The following CCDC187 variants were observed in gnomAD, a reference collection of about 807,000 sequenced individuals.
CCDC187 encodes the protein coiled-coil domain containing 187.
In CCDC187, 32 loss-of-function variants were observed where a neutral mutation model predicts 38.0. That is an observed-to-expected ratio of 0.84 (90% CI 0.64 to 1.13). The LOEUF (loss-of-function observed/expected upper bound fraction) is 1.13. Ranked by LOEUF, CCDC187 falls within the 50% of genes most tolerant of loss-of-function variation. CCDC187 has a pLI of 0.00. For synonymous variants in CCDC187, 333 were observed against 347.9 expected, an observed-to-expected ratio of 0.96 and a Z score of 0.48; for missense variants, 707 against 786.8, an observed-to-expected ratio of 0.90 and a Z score of 1.21.
chr9:136,287,227 G>A (rs1831203620), intron 7 of CCDC187, among the ~76,000 whole-genome samples: 1 of 146,512 alleles, frequency 6.8e-6, no homozygotes, highest in Non-Finnish European at 1.5e-5. Flanking sequence ...ACCCTTGGTA[G>A]AATAAGTCAG....
Position 136,297,759 on chromosome 9 carries a change from AC to A in CCDC187, c.786del (p.Lys262AsnfsTer33). ...TTGGCCGCTCTTCTAGGGGAGGGCA[AC>A]TTGGGGGTCTTCTCTCTTTTGCAAG... The part of the protein sequence containing the change: ...SSSCKREKTP[K>X]LPSPRRAAKD... On this transcript the variant is annotated frameshift_variant, in exon 4 of 26. Transcript: ENST00000638797. LOFTEE classifies it high-confidence loss of function. The A allele has an allele frequency of 2.5e-6, 1 of 398,192 alleles. No homozygotes were observed. The highest frequency in any genetic ancestry group is 3.6e-5 in the East Asian group (1 of 28,038). 24.7% of individuals were successfully genotyped at this position (398,192 alleles called of 1,614,324 possible). A position where few individuals can be genotyped will look rare whatever the true frequency, so the allele number is the denominator to read the frequency against.
Position 136,299,167 on chromosome 9 carries a change from C to T in CCDC187, c.724+1053G>A, listed in dbSNP as rs1038496878. On this transcript the variant is annotated intron_variant, in intron 3 of 25. Coordinates refer to ENST00000638797, the MANE Select transcript of CCDC187 (RefSeq NM_001378188.1). ...GCTGACCACAGGGCTCAGGCGGAAC[C>T]GGATCTGGATGGACAGGAGTTCCCC... is the stretch of plus-strand genomic sequence containing the variant. Among the ~76,000 whole-genome samples the T allele has an allele frequency of 7.2e-4, 110 of 152,282 alleles. 1 individual carries two copies. Among genetic ancestry groups the T allele is most frequent in the East Asian group, 1.7e-3 (9 of 5,174 alleles).
rs1830643875 is a variant in CCDC187 at position 136,258,591 on chromosome 9, G to A, written c.4366+341C>T. ...GTTCAGAAAGAGAAAAATGTAATCGGTGCAGAAACCTCCGTCAGCTGAAGA... is the reference window on the plus strand; with the variant it reads ...GTTCAGAAAGAGAAAAATGTAATCGATGCAGAAACCTCCGTCAGCTGAAGA... On this transcript the variant is annotated intron_variant, in intron 22 of 25. Transcript: ENST00000638797. This position sits in a 1 kb window ranked among gnomAD's most constrained non-coding sequence, Gnocchi z 4.3. The A allele has an allele frequency of 1.5e-6, 1 of 679,566 alleles. No individual in the cohort carries two copies. Among genetic ancestry groups the A allele is most frequent in the South Asian group, 6.7e-5 (1 of 15,036 alleles). The allele number at this position is 679,566 out of a possible 1,614,324, so 42.1% of individuals were successfully genotyped here.
At chr9:136,301,370 G>A (rs1219148290) in intron 2 of CCDC187, among the ~76,000 whole-genome samples, 1 of 151,784 alleles carries the variant, frequency 6.6e-6, no homozygotes, top group African/African-American at 2.4e-5. Flanking sequence ...GGTCCCCAGA[G>A]TTGTCAGAGC....
At chr9:136,256,165 C>G in intron 24 of CCDC187, 46 bp downstream of exon 24, 1 of 951,590 alleles carries the variant, frequency 1.1e-6, no homozygotes, top group Non-Finnish European at 1.3e-6. Flanking sequence ...GAACCCGTCT[C>G]CGTGCCTCAC....
At position 136,250,967 on chromosome 9, in the gene CCDC187, A is replaced by C. The variant is rs1554759286; in HGVS notation, c.*2627T>G. On this transcript the variant is annotated 3_prime_UTR_variant, in exon 26 of 26. Coordinates refer to ENST00000638797, the MANE Select transcript of CCDC187 (RefSeq NM_001378188.1). ...GAGCTATGGGGTAGAGGGCCTTGGC[A>C]GCTCCGTGTGTCCTGTGACCTGGCA... is the stretch of plus-strand genomic sequence containing the variant. 8.8e-6 allele frequency: 4 copies of C among 455,680 alleles called. No homozygotes were observed. The highest frequency in any genetic ancestry group is 7.0e-5 in the East Asian group (1 of 14,384). The allele number at this position is 455,680 out of a possible 1,614,324, so 28.2% of individuals were successfully genotyped here.
rs1554759621 is a variant in CCDC187, at chr9:136,252,330, G to C, written c.*1264C>G. ...CGGCCGCCCACCCAGTCCACCCTGG[G>C]AAGGTCCAGGCGACCATCCCGCACA... On this transcript the variant is annotated 3_prime_UTR_variant, in exon 26 of 26. Transcript: ENST00000638797. 1.8e-5 allele frequency: 2 copies of C among 113,460 alleles called. No individual in the cohort carries two copies. Among genetic ancestry groups the C allele is most frequent in the African/African-American group, 6.2e-5 (2 of 32,492 alleles). 7.0% of individuals were successfully genotyped at this position (113,460 alleles called of 1,614,324 possible).
chr9:136,292,187 C>G lies in CCDC187; in HGVS notation c.941G>C (p.Arg314Thr), dbSNP rs2131312059. Residue 314 changes from arginine to threonine, a missense_variant, in exon 5 of 26, where the codon AGA becomes ACA. Physicochemically the swap from Arg to Thr is moderately conservative, Grantham distance 71. Transcript: ENST00000638797. ...TAAGTCCACGGTGAGAGCCGGGTCT[C>G]TCGAGGGATCCTTGCTATGGTGCCT... ...LRRHHSKDPSRDPALTVDLGD... is the reference protein window; with the variant it reads ...LRRHHSKDPSTDPALTVDLGD... 2.5e-6 allele frequency: 1 copy of G among 398,782 alleles called. No individual in the cohort carries two copies. Among genetic ancestry groups the G allele is most frequent in the African/African-American group, 2.1e-5 (1 of 48,724 alleles). The allele number at this position is 398,782 out of a possible 1,614,324, so 24.7% of individuals were successfully genotyped here.
rs1192350768 is a variant in CCDC187 at position 136,290,733 on chromosome 9, C to T, written c.1880G>A (p.Arg627Gln). The T allele has an allele frequency of 2.5e-5, 10 of 398,364 alleles. No homozygotes were observed. Among genetic ancestry groups the T allele is most frequent in the South Asian group, 1.3e-4 (1 of 7,860 alleles). 24.7% of individuals were successfully genotyped at this position (398,364 alleles called of 1,614,324 possible). ...KDTLRPCPRS[R>Q]GLLGPSHSSE... ...GCTGTGCGAGGGTCCCAGGAGCCCC[C>T]GGGACCTGGGGCAGGGCCGCAGCGT... Residue 627 changes from arginine to glutamine, a missense_variant, in exon 6 of 26, where the codon CGG becomes CAG. Physicochemically the swap from Arg to Gln is conservative, Grantham distance 43. Coordinates refer to ENST00000638797, the MANE Select transcript of CCDC187 (RefSeq NM_001378188.1).
chr9:136,294,275 C>G (rs955601726), intron 4 of CCDC187, among the ~76,000 whole-genome samples: 1 of 149,608 alleles, frequency 6.7e-6, no homozygotes, highest in Non-Finnish European at 1.5e-5. Flanking sequence ...TATACACACG[C>G]CCTCACATGT....
chr9:136,259,422 G>A lies in CCDC187; in HGVS notation c.4237C>T (p.Leu1413=). The A allele has an allele frequency of 1.0e-6, 1 of 985,578 alleles. No homozygotes were observed. Among genetic ancestry groups the A allele is most frequent in the Non-Finnish European group, 1.2e-6 (1 of 830,126 alleles). 61.1% of individuals were successfully genotyped at this position (985,578 alleles called of 1,614,324 possible). ...QEPGEQPRAP[L]LGLQHVSPPD... is the part of the protein sequence containing the mutation. ...GGGCTCACGTGCTGCAGGCCCAGCA[G>A]AGGGGCCCGAGGCTGCTCCCCAGGC... The change falls in exon 21 of 26, where the codon CTG becomes TTG. Residue 1413 remains leucine (L), a synonymous_variant. Coordinates refer to ENST00000638797, the MANE Select transcript of CCDC187 (RefSeq NM_001378188.1).
At chr9:136,259,903 G>T (rs953150809) in intron 20 of CCDC187, among the ~76,000 whole-genome samples, 1 of 152,224 alleles carries the variant, frequency 6.6e-6, no homozygotes, top group East Asian at 1.9e-4. Context: ...CTGGCTGCCA[G>T]TGCACGGGGT....
chr9:136,265,406 C>T lies in CCDC187; in HGVS notation c.3735+550G>A, dbSNP rs528580359. On this transcript the variant is annotated intron_variant, in intron 17 of 25. Transcript: ENST00000638797. ...CCAGGCGCGGCTAGGGATTCACCTG[C>T]ACCACCCTCCCAGCCCCCATGCATG... Among the ~76,000 whole-genome samples, 9 of 152,338 alleles carry T rather than the reference C, an allele frequency of 5.9e-5. No individual in the cohort carries two copies. In the South Asian group the frequency reaches 1.7e-3, roughly 28 times the overall value.
Position 136,262,417 on chromosome 9 carries a change from T to A in CCDC187, c.3958A>T (p.Thr1320Ser), listed in dbSNP as rs1225874073. The A allele has an allele frequency of 1.0e-6, 1 of 986,048 alleles. No individual in the cohort carries two copies. The highest frequency in any genetic ancestry group is 1.2e-6 in the Non-Finnish European group (1 of 830,476). The allele number at this position is 986,048 out of a possible 1,614,324, so 61.1% of individuals were successfully genotyped here. ...VKAAWEGGSE[T>S]SQQPEASLCP... ...AGGGAGGCCTCTGGCTGCTGGCTTG[T>A]CTCTGAGCCTCCCTCCCAGGCGGCC... The change falls in exon 19 of 26, where the codon ACA (threonine) becomes TCA (serine). Residue 1320 changes from threonine (T) to serine (S), a missense_variant. Physicochemically the swap from Thr to Ser is moderately conservative, Grantham distance 58 (BLOSUM62 1). Coordinates refer to ENST00000638797, the MANE Select transcript of CCDC187 (RefSeq NM_001378188.1).
chr9:136,279,939 C>T (rs1699043442), intron 10 of CCDC187, among the ~76,000 whole-genome samples: 3 of 152,232 alleles, frequency 2.0e-5, no homozygotes, highest in African/African-American at 7.2e-5. Flanking sequence ...GCCCTCCTGC[C>T]TTCCTCTCTG....
At chr9:136,260,390 G>C in intron 19 of CCDC187, 126 bp from the exon 20 acceptor site, 1 of 664,016 alleles carries the variant, frequency 1.5e-6, no homozygotes, top group Non-Finnish European at 1.9e-6. Flanking sequence ...TCCAGGGATG[G>C]CTGTGGTCAG....
Position 136,254,051 on chromosome 9 carries a change from C to T in CCDC187, c.5777G>A (p.Ser1926Asn). 3 of 985,074 alleles carry T rather than the reference C, an allele frequency of 3.0e-6. No individual in the cohort carries two copies. Among genetic ancestry groups the T allele is most frequent in the Non-Finnish European group, 3.6e-6 (3 of 829,736 alleles). The allele number at this position is 985,074 out of a possible 1,614,324, so 61.0% of individuals were successfully genotyped here. ...CTCTGGCATGAGGTACGGGAGTTTG[C>T]TCTTGGTGGATGGGCTCGGGTCAGC... The part of the protein sequence containing the change: ...RDADPSPSTK[S>N]KLPYLMPEPE... Residue 1926 changes from serine to asparagine, a missense_variant, in exon 26 of 26, where the codon AGC (serine) becomes AAC (asparagine). Coordinates refer to ENST00000638797, the MANE Select transcript of CCDC187 (RefSeq NM_001378188.1).
chr9:136,274,323 G>C (rs555145364), intron 14 of CCDC187, among the ~76,000 whole-genome samples: 1 of 152,352 alleles, frequency 6.6e-6, no homozygotes, highest in African/African-American at 2.4e-5. Context: ...GTGTCAGGCT[G>C]GTCCCCCAGC....
At chr9:136,256,353 T>C (rs1830612698) in intron 23 of CCDC187, 30 bp from the exon 24 acceptor site, 1 of 965,270 alleles carries the variant, frequency 1.0e-6, no homozygotes, top group African/African-American at 1.8e-5. Context: ...ATGACACTGT[T>C]GGGGTGTGGC....
Sources: gnomAD v4.1 joint callset for allele counts (sites outside exome capture counted in the v4.1 genomes callset) on GRCh38, gnomAD v4.1.1 for gene constraint, Gnocchi (gnomAD v3.1) non-coding constraint, MANE v1.5 for transcripts, NCBI Gene and HGNC (gene_info 2026-07-23, HGNC 2026-07-21) for gene names.